COL22A1: variants seen among roughly 807,000 people sequenced by gnomAD.
COL22A1 encodes the protein collagen alpha-1(XXII) chain.
A neutral mutation model predicts 248.9 loss-of-function variants in COL22A1; 221 were observed. That is an observed-to-expected ratio of 0.89 (90% CI 0.80 to 0.99). The LOEUF (loss-of-function observed/expected upper bound fraction) is 0.99, where lower values mean the gene tolerates loss of function less well. Among genes scored for constraint, COL22A1 ranks in the 50% least tolerant of loss-of-function variants. The pLI, the probability that COL22A1 is intolerant of heterozygous loss-of-function variation, is 0.00. For synonymous variants in COL22A1, 891 were observed against 793.4 expected, an observed-to-expected ratio of 1.12 and a Z score of -2.07; for missense variants, 2,240 against 2,179.0, an observed-to-expected ratio of 1.03 and a Z score of -0.56.
intron 1 of COL22A1, among the ~76,000 whole-genome samples, chr8:138,902,431 C>T (rs1814652402): frequency 6.6e-6 from 1 of 152,302 alleles, no homozygotes; most frequent in East Asian, 1.9e-4. Flanking sequence ...GCCGCGATGG[C>T]TCATGCCTGT....
intron 12 of COL22A1, among the ~76,000 whole-genome samples, chr8:138,794,013 T>G (rs1467230580): frequency 6.6e-6 from 1 of 152,156 alleles, no homozygotes; most frequent in Non-Finnish European, 1.5e-5. Context: ...GGATCCTGAT[T>G]TGGAGGAATC....
chr8:138,765,331 C>A (rs1036901634), intron 16 of COL22A1, among the ~76,000 whole-genome samples: 9 of 152,188 alleles, frequency 5.9e-5, no homozygotes, highest in African/African-American at 1.9e-4. Flanking sequence ...GACTCTCACC[C>A]TCTACCTCTA....
At chr8:138,778,608 A>G (rs1814689952) in intron 14 of COL22A1, among the ~76,000 whole-genome samples, 1 of 152,172 alleles carries the variant, frequency 6.6e-6, no homozygotes, top group Non-Finnish European at 1.5e-5. Context: ...AAGTCATGCC[A>G]TCTGCTGCCT....
intron 37 of COL22A1, among the ~76,000 whole-genome samples, chr8:138,686,263 T>C (rs919728355): frequency 6.6e-6 from 1 of 152,114 alleles, no homozygotes; most frequent in Non-Finnish European, 1.5e-5. Flanking sequence ...GACCTGGGCT[T>C]TGAGCTTGCT....
rs142806193 is a variant in COL22A1, at chr8:138,686,620, G to A, written c.2863-1308C>T. On this transcript the variant is annotated intron_variant, in intron 37 of 64. Coordinates refer to ENST00000303045, the MANE Select transcript of COL22A1 (RefSeq NM_152888.3). ...TTTTACCACTTTGCAGAGCCCTGGA[G>A]GTTCCTTTCCAAATCCCGGGCCCGG... is the stretch of plus-strand genomic sequence containing the variant. Among the ~76,000 whole-genome samples, 590 of 152,310 alleles carry A rather than the reference G, an allele frequency of 3.9e-3. 3 individuals carry two copies. The highest frequency in any genetic ancestry group is 0.013 in the African/African-American group (549 of 41,580).
intron 3 of COL22A1, among the ~76,000 whole-genome samples, chr8:138,856,591 TGAGAGAGAGA>T (rs148698442): frequency 2.8e-4 from 30 of 105,832 alleles, no homozygotes; most frequent in Non-Finnish European, 3.9e-4. Flanking sequence ...ACAGAGGCAG[TGAGAGAGAGA>T]GAGAGAGAGA....
At chr8:138,816,546 G>A (rs1818703172) in intron 7 of COL22A1, among the ~76,000 whole-genome samples, 1 of 152,202 alleles carries the variant, frequency 6.6e-6, no homozygotes, top group Non-Finnish European at 1.5e-5. Flanking sequence ...AACCAATTAG[G>A]GAGCACAGAC....
intron 12 of COL22A1, among the ~76,000 whole-genome samples, chr8:138,781,235 T>G (rs1445687783): frequency 6.6e-6 from 1 of 152,190 alleles, no homozygotes; most frequent in Non-Finnish European, 1.5e-5. Flanking sequence ...GCACCTGATG[T>G]GGGAGGAAGC....
chr8:138,693,180 G>T (rs1456949324), intron 35 of COL22A1, among the ~76,000 whole-genome samples: 1 of 152,172 alleles, frequency 6.6e-6, no homozygotes, highest in Non-Finnish European at 1.5e-5. Context: ...GGATGGGTGA[G>T]CCAGGAGCAG....
At chr8:138,753,767 C>T (rs536502591) in intron 21 of COL22A1, among the ~76,000 whole-genome samples, 2 of 152,300 alleles carry the variant, frequency 1.3e-5, no homozygotes, top group South Asian at 2.1e-4. Context: ...CTCTCCCTCC[C>T]TCATTTACTG....
intron 44 of COL22A1, among the ~76,000 whole-genome samples, chr8:138,659,590 G>A (rs1177380931): frequency 6.6e-6 from 1 of 152,122 alleles, no homozygotes; most frequent in Non-Finnish European, 1.5e-5. Context: ...CCGCACAGCT[G>A]CCTCCCACTC....
intron 56 of COL22A1, among the ~76,000 whole-genome samples, chr8:138,609,896 T>C (rs1818725373): frequency 1.3e-5 from 2 of 152,196 alleles, no homozygotes; most frequent in Non-Finnish European, 2.9e-5. Flanking sequence ...TCCTGTGTCC[T>C]GCTGTCCCTC....
At chr8:138,805,999 T>TGTAATGGTGTGTGATG (rs1563787795) in intron 10 of COL22A1, among the ~76,000 whole-genome samples, 45 of 50,952 alleles carry the variant, frequency 8.8e-4, no homozygotes, top group Admixed American at 1.1e-3. Context: ...TGATGGTGTG[T>TGTAATGGTGTGTGATG]GTGTGTGACG....
At chr8:138,718,309 G>C (rs751957469) in intron 27 of COL22A1, among the ~76,000 whole-genome samples, 1 of 152,088 alleles carries the variant, frequency 6.6e-6, no homozygotes, top group Non-Finnish European at 1.5e-5. Flanking sequence ...GCAAATACTC[G>C]TCACTCAAAT....
chr8:138,721,318 A>G (rs1829852516), intron 26 of COL22A1, among the ~76,000 whole-genome samples: 1 of 152,244 alleles, frequency 6.6e-6, no homozygotes, highest in Admixed American at 6.5e-5. Context: ...GTTGAGGTGC[A>G]TACTTGAGTC....
chr8:138,698,873 C>T (rs1169897032), intron 32 of COL22A1, among the ~76,000 whole-genome samples: 2 of 152,242 alleles, frequency 1.3e-5, no homozygotes, highest in African/African-American at 2.4e-5. Flanking sequence ...CCTGTCTCTG[C>T]CAGAGCGGAG....
chr8:138,691,266 A>C (rs778742334), intron 35 of COL22A1, among the ~76,000 whole-genome samples: 6 of 152,180 alleles, frequency 3.9e-5, no homozygotes, highest in Non-Finnish European at 8.8e-5. Context: ...AACAGTTCAG[A>C]TCTCAGTTGC....
intron 12 of COL22A1, among the ~76,000 whole-genome samples, chr8:138,791,541 G>A (rs1302705836): frequency 1.3e-5 from 2 of 152,200 alleles, no homozygotes; most frequent in African/African-American, 2.4e-5. Context: ...GGAATTCCAG[G>A]CACCTTGACC....
At chr8:138,655,858 C>T in intron 45 of COL22A1, 39 bp downstream of exon 45, 1 of 1,545,514 alleles carries the variant, frequency 6.5e-7, no homozygotes, top group Non-Finnish European at 8.9e-7. Flanking sequence ...CCGCCATCAC[C>T]ATTTTCAAAA....
Sources: allele counts gnomAD v4.1 joint callset (sites outside exome capture counted in the v4.1 genomes callset), GRCh38; gene constraint gnomAD v4.1.1; transcripts MANE v1.5; gene names NCBI Gene and HGNC (gene_info 2026-07-23, HGNC 2026-07-21).